Variants in CCDC18 observed in about 807,000 individuals in gnomAD.
CCDC18 encodes the protein coiled-coil domain-containing protein 18.
A neutral mutation model predicts 196.0 loss-of-function variants in CCDC18; 157 were observed. The ratio of observed to expected loss-of-function variants is 0.80; its 90% CI spans 0.70 to 0.91. The LOEUF (loss-of-function observed/expected upper bound fraction) is 0.91, where lower values mean the gene tolerates loss of function less well. Among genes scored for constraint, CCDC18 ranks in the 40% least tolerant of loss-of-function variants. CCDC18 has a pLI of 0.00. For missense variants in CCDC18, 1,465 were observed against 1,611.6 expected (o/e 0.91, Z 1.56); for synonymous variants, 482 against 529.2 (o/e 0.91, Z 1.22).
chr1:93,258,930 G>C (rs1407027429), intron 26 of CCDC18, 45 bp downstream of exon 26: 1 of 1,527,944 alleles, frequency 6.5e-7, no homozygotes, highest in Non-Finnish European at 8.8e-7. Flanking sequence ...ACTAAAGTAG[G>C]TTGACCTATC....
chr1:93,234,980 CT>C (rs1157777937), intron 18 of CCDC18, among the ~76,000 whole-genome samples: 10 of 71,074 alleles, frequency 1.4e-4, no homozygotes, highest in African/African-American at 5.6e-4. Context: ...TGTGGCTTTT[CT>C]TTTTTTTTCT....
Position 93,184,012 on chromosome 1 carries a change from A to G in CCDC18, c.169A>G (p.Asn57Asp), listed in dbSNP as rs1238436494. The change falls in exon 3 of 29, where the codon AAT becomes GAT. Residue 57 changes from asparagine to aspartate, a missense_variant. Coordinates refer to ENST00000690025, the MANE Select transcript of CCDC18 (RefSeq NM_001378204.1). Reference sequence around the variant, plus strand: ...AAGTGAAAATTCTGATTATGCCCCTAATCCTTCAAGGTCTGAAAAGCTAAT... The same window carrying G: ...AAGTGAAAATTCTGATTATGCCCCTGATCCTTCAAGGTCTGAAAAGCTAAT... ...SPSENSDYAP[N>D]PSRSEKLILD... 1.9e-6 allele frequency: 3 copies of G among 1,567,912 alleles called. No homozygotes were observed. In the East Asian group the frequency reaches 6.9e-5, roughly 36 times the overall value.
chr1:93,258,777 A>G lies in CCDC18; in HGVS notation c.3576A>G (p.Glu1192=). Residue 1192 remains glutamate (E), a synonymous_variant, in exon 26 of 29, where the codon GAA becomes GAG. Coordinates refer to ENST00000690025, the MANE Select transcript of CCDC18 (RefSeq NM_001378204.1). Reference sequence around the variant, plus strand: ...CTCATGGAAACCATTTAGCTGAAGAACTGGGGGCTTCTAAAGTACGTGAAG... The same window carrying G: ...CTCATGGAAACCATTTAGCTGAAGAGCTGGGGGCTTCTAAAGTACGTGAAG... ...KDAHGNHLAE[E]LGASKVREAH... is the part of the protein sequence containing the mutation. 1 of 1,579,892 alleles carries G rather than the reference A, an allele frequency of 6.3e-7. No individual in the cohort carries two copies. The highest frequency in any genetic ancestry group is 8.6e-7 in the Non-Finnish European group (1 of 1,164,620).
Position 93,216,636 on chromosome 1 carries a change from A to T in CCDC18, c.1720A>T (p.Met574Leu), listed in dbSNP as rs191574433. ...ASNSSKLESE[M>L]TKKCSQLLTL... Reference sequence around the variant, plus strand: ...TACATTTATTTCAATGTGTTTTCAGATGACAAAGAAATGTTCTCAACTTTT... The same window carrying T: ...TACATTTATTTCAATGTGTTTTCAGTTGACAAAGAAATGTTCTCAACTTTT... The change falls in exon 13 of 29, where the codon ATG becomes TTG. Residue 574 changes from methionine (M) to leucine (L), a missense_variant and splice_region_variant. Met to Leu is a conservative substitution (Grantham distance 15). Transcript: ENST00000690025. 340 of 1,464,232 alleles carry T rather than the reference A, an allele frequency of 2.3e-4. No individual in the cohort carries two copies. The highest frequency in any genetic ancestry group is 1.0e-3 in the Admixed American group (48 of 46,698). The allele number at this position is 1,464,232 out of a possible 1,614,324, so 90.7% of individuals were successfully genotyped here.
At chr1:93,269,242 C>G (rs569739984) in intron 27 of CCDC18, among the ~76,000 whole-genome samples, 16 of 126,672 alleles carry the variant, frequency 1.3e-4, no homozygotes, top group African/African-American at 5.0e-4. Flanking sequence ...CACTTGGACA[C>G]AGGGTGGGGA....
At chr1:93,230,840 T>C (rs1659142458) in intron 17 of CCDC18, among the ~76,000 whole-genome samples, 1 of 152,192 alleles carries the variant, frequency 6.6e-6, no homozygotes, top group African/African-American at 2.4e-5. Context: ...GTCAGTTCTA[T>C]CTAAAATAAA....
At chr1:93,188,665 A>T (rs575149025) in intron 4 of CCDC18, among the ~76,000 whole-genome samples, 1 of 151,482 alleles carries the variant, frequency 6.6e-6, no homozygotes, top group South Asian at 2.1e-4. Flanking sequence ...TTTGTTTTTC[A>T]CTTTATGGTA....
chr1:93,255,404 T>G (rs1373973823), intron 24 of CCDC18, among the ~76,000 whole-genome samples: 2 of 152,210 alleles, frequency 1.3e-5, no homozygotes, highest in Non-Finnish European at 2.9e-5. Flanking sequence ...GTGTGTTGAC[T>G]GGTGAATTCA....
At chr1:93,277,829 A>C (rs1025318177) in intron 28 of CCDC18, among the ~76,000 whole-genome samples, 4 of 151,538 alleles carry the variant, frequency 2.6e-5, no homozygotes, top group Admixed American at 2.6e-4. Context: ...GTAGCTATTC[A>C]TCATCCTTGT....
rs71094239 is a variant in CCDC18, at chr1:93,181,159, T to TAAAAAAAAAA, written c.-3+315_-3+324dup. On this transcript the variant is annotated intron_variant, in intron 1 of 28. Coordinates refer to ENST00000690025, the MANE Select transcript of CCDC18 (RefSeq NM_001378204.1). ...TGGCGAGCCACTGTCTCTATAAAAT[T>TAAAAAAAAAA]AAAAAAAAAAAAAAAAAGAGGAAAC... Among the ~76,000 whole-genome samples the TAAAAAAAAAA allele has an allele frequency of 5.8e-4, 52 of 89,870 alleles. 4 individuals are homozygous for TAAAAAAAAAA. In the East Asian group the frequency reaches 0.017, roughly 29 times the overall value. The allele number at this position is 89,870 out of a possible 152,430, so 59.0% of individuals were successfully genotyped here.
chr1:93,271,091 T>C (rs1167568917), intron 28 of CCDC18: 19 of 983,332 alleles, frequency 1.9e-5, no homozygotes, highest in Non-Finnish European at 2.3e-5. Flanking sequence ...AATAAAAAAA[T>C]TAAAAAACTG....
At chr1:93,236,226 T>G (rs1378789210) in intron 18 of CCDC18, 22 bp from the exon 19 acceptor site, 4 of 1,546,438 alleles carry the variant, frequency 2.6e-6, no homozygotes, top group Non-Finnish European at 2.6e-6. Context: ...TTTAAAATGT[T>G]TACTGAAAAC....
chr1:93,183,957 T>C (rs768984776), intron 2 of CCDC18, 21 bp from the exon 3 acceptor site: 30 of 1,441,470 alleles, frequency 2.1e-5, no homozygotes, highest in Non-Finnish European at 2.7e-5. Context: ...AACTGAAATA[T>C]GTTTTTTCTT....
intron 28 of CCDC18, 132 bp from the exon 29 acceptor site, chr1:93,278,331 T>G (rs1665745278): frequency 2.7e-6 from 1 of 363,810 alleles, no homozygotes; most frequent in South Asian, 8.1e-5. Context: ...TTTTTATGAT[T>G]CATATTTTTC....
At chr1:93,230,517 C>T (rs756890011) in intron 17 of CCDC18, among the ~76,000 whole-genome samples, 2 of 151,436 alleles carry the variant, frequency 1.3e-5, no homozygotes, top group Non-Finnish European at 2.9e-5. Context: ...AAACTAAAGC[C>T]GACTGGAGTT....
At chr1:93,186,526 G>C (rs1650706770) in intron 4 of CCDC18, 23 bp downstream of exon 4, 1 of 1,556,860 alleles carries the variant, frequency 6.4e-7, no homozygotes, top group East Asian at 2.3e-5. Context: ...AAATAAGTTT[G>C]CCAACAGAAA....
intron 17 of CCDC18, among the ~76,000 whole-genome samples, chr1:93,226,984 T>A (rs561233374): frequency 3.7e-4 from 57 of 152,260 alleles, no homozygotes; most frequent in African/African-American, 1.2e-3. Flanking sequence ...ATCAGAAGAA[T>A]AAATTATTAA....
chr1:93,260,435 A>C (rs560670632), intron 26 of CCDC18, among the ~76,000 whole-genome samples: 1 of 152,264 alleles, frequency 6.6e-6, no homozygotes, highest in East Asian at 1.9e-4. Flanking sequence ...ATTACTATTT[A>C]ATATTTGATA....
chr1:93,221,280 C>T (rs955277492), intron 14 of CCDC18, among the ~76,000 whole-genome samples: 3 of 110,568 alleles, frequency 2.7e-5, no homozygotes, highest in African/African-American at 1.4e-4. Context: ...TCTGCAACCT[C>T]TCCAGCATCT....
Sources: allele counts gnomAD v4.1 joint callset (sites outside exome capture counted in the v4.1 genomes callset), GRCh38; gene constraint gnomAD v4.1.1; transcripts MANE v1.5; gene names NCBI Gene and HGNC (gene_info 2026-07-23, HGNC 2026-07-21).